The following L3MBTL4 variants were observed in gnomAD, a reference collection of about 807,000 sequenced individuals.
The protein encoded by L3MBTL4 is lethal(3)malignant brain tumor-like protein 4.
Under a neutral mutation model 84.5 loss-of-function variants are expected in L3MBTL4, and 70 were observed. The ratio of observed to expected loss-of-function variants is 0.83; its 90% CI spans 0.68 to 1.01. The LOEUF (loss-of-function observed/expected upper bound fraction) is 1.01. Ranked by LOEUF, L3MBTL4 falls within the 50% of genes least tolerant of loss-of-function variation. L3MBTL4 has a pLI of 0.00. For missense variants in L3MBTL4, 715 were observed against 754.8 expected, an observed-to-expected ratio of 0.95 and a Z score of 0.62; for synonymous variants, 274 against 259.8, an observed-to-expected ratio of 1.05 and a Z score of -0.52.
chr18:5,976,338 C>T (rs373082917), intron 16 of L3MBTL4, among the ~76,000 whole-genome samples: 4 of 152,198 alleles, frequency 2.6e-5, no homozygotes, highest in Admixed American at 6.5e-5. Flanking sequence ...CTTCTGATTA[C>T]GTTAAATACG....
At position 6,066,021 on chromosome 18, in the gene L3MBTL4, T is replaced by C. The variant is rs551616929; in HGVS notation, c.1444+14860A>G. 5.1e-4 allele frequency among the ~76,000 whole-genome samples: 77 copies of C among 152,220 alleles called. 2 individuals are homozygous for C. The South Asian group carries it at 9.9e-3, about 20-fold the overall frequency. ...TATGAACTTTCCTGTTTGGGCTGCT[T>C]TTGCTGTATCCCAGAGGCTTTGATA... is the stretch of plus-strand genomic sequence containing the variant. On this transcript the variant is annotated intron_variant, in intron 16 of 18. Coordinates refer to ENST00000317931, the MANE Select transcript of L3MBTL4 (RefSeq NM_001330559.2).
chr18:6,038,130 ATATT>A (rs1241400412), intron 16 of L3MBTL4, among the ~76,000 whole-genome samples: 19 of 152,192 alleles, frequency 1.2e-4, no homozygotes, highest in African/African-American at 4.6e-4. Flanking sequence ...TACTGATTGA[ATATT>A]TATGTCACAA....
At chr18:5,978,103 G>T (rs565595417) in intron 16 of L3MBTL4, among the ~76,000 whole-genome samples, 1 of 152,346 alleles carries the variant, frequency 6.6e-6, no homozygotes, top group African/African-American at 2.4e-5. Context: ...TGCAGGGATA[G>T]ATAAGGCAGT....
At chr18:6,002,681 G>C (rs964596758) in intron 16 of L3MBTL4, among the ~76,000 whole-genome samples, 1 of 151,848 alleles carries the variant, frequency 6.6e-6, no homozygotes, top group Non-Finnish European at 1.5e-5. Context: ...AAGAAAATAA[G>C]TACAGAGTAT....
At chr18:6,270,413 A>C (rs1401527817) in intron 4 of L3MBTL4, among the ~76,000 whole-genome samples, 1 of 152,152 alleles carries the variant, frequency 6.6e-6, no homozygotes, top group Non-Finnish European at 1.5e-5. Flanking sequence ...CATTTACTCG[A>C]GTTGGGGAGG....
chr18:5,967,108 G>A (rs1336281166), intron 17 of L3MBTL4, among the ~76,000 whole-genome samples: 3 of 152,162 alleles, frequency 2.0e-5, no homozygotes, highest in Non-Finnish European at 4.4e-5. Context: ...TTCCGCATAA[G>A]AACCCAGAAC....
rs185102463 is a variant in L3MBTL4, at chr18:6,026,329, A to T, written c.1444+54552T>A. Among the ~76,000 whole-genome samples the T allele has an allele frequency of 1.1e-3, 174 of 152,326 alleles. No individual in the cohort carries two copies. In the Middle Eastern group the frequency reaches 0.017, roughly 15 times the overall value. ...ATTTTCCTTAGTTAAAATATTTTAC[A>T]ATATCATCACTGTGTTTTACAATGC... On this transcript the variant is annotated intron_variant, in intron 16 of 18. Transcript: ENST00000317931.
intron 1 of L3MBTL4, among the ~76,000 whole-genome samples, chr18:6,360,512 A>C (rs1212697515): frequency 6.6e-6 from 1 of 152,224 alleles, no homozygotes; most frequent in East Asian, 1.9e-4. Context: ...TTAACTCAGA[A>C]AGGAGATTTA....
At chr18:6,067,322 T>C (rs2057435994) in intron 16 of L3MBTL4, among the ~76,000 whole-genome samples, 2 of 152,310 alleles carry the variant, frequency 1.3e-5, no homozygotes, top group South Asian at 2.1e-4. Flanking sequence ...TCCTTGAGTT[T>C]TCTGTATTTG....
intron 16 of L3MBTL4, among the ~76,000 whole-genome samples, chr18:6,074,000 T>C (rs1453195047): frequency 6.6e-6 from 1 of 152,220 alleles, no homozygotes; most frequent in Non-Finnish European, 1.5e-5. Flanking sequence ...TAACATTTTA[T>C]CCTTTGCACT....
At chr18:6,148,742 A>G (rs1266444148) in intron 13 of L3MBTL4, among the ~76,000 whole-genome samples, 1 of 152,166 alleles carries the variant, frequency 6.6e-6, no homozygotes, top group African/African-American at 2.4e-5. Context: ...TAAAGCACAG[A>G]ATTTTAAGAA....
At chr18:6,270,209 G>A (rs2048808086) in intron 4 of L3MBTL4, among the ~76,000 whole-genome samples, 1 of 152,142 alleles carries the variant, frequency 6.6e-6, no homozygotes, top group South Asian at 2.1e-4. Context: ...CCCCGCTTAG[G>A]CCACAGCTGC....
chr18:6,284,869 G>T (rs895376189), intron 4 of L3MBTL4, among the ~76,000 whole-genome samples: 24 of 152,210 alleles, frequency 1.6e-4, no homozygotes, highest in African/African-American at 5.1e-4. Flanking sequence ...CACAGGGGCC[G>T]CCCAGCGTGG....
intron 12 of L3MBTL4, among the ~76,000 whole-genome samples, chr18:6,203,732 G>T (rs534161265): frequency 2.0e-5 from 3 of 152,082 alleles, no homozygotes; most frequent in Non-Finnish European, 4.4e-5. Context: ...AACCAGGTGG[G>T]ATCTCGTTAA....
chr18:6,173,512 G>A (rs995960441), intron 12 of L3MBTL4, among the ~76,000 whole-genome samples: 1 of 152,178 alleles, frequency 6.6e-6, no homozygotes, highest in Non-Finnish European at 1.5e-5. Flanking sequence ...GGGTGCAGTA[G>A]CTCATGCCTG....
intron 16 of L3MBTL4, among the ~76,000 whole-genome samples, chr18:6,072,800 G>A (rs2057709698): frequency 7.0e-6 from 1 of 142,440 alleles, no homozygotes; most frequent in South Asian, 2.3e-4. Flanking sequence ...AGCTTGCAAT[G>A]AGCCCAGATC....
At chr18:6,281,209 A>G (rs1318780633) in intron 4 of L3MBTL4, among the ~76,000 whole-genome samples, 1 of 152,230 alleles carries the variant, frequency 6.6e-6, no homozygotes, top group Non-Finnish European at 1.5e-5. Flanking sequence ...AATTAGTTTA[A>G]CATAATAGTT....
At chr18:5,994,020 G>A (rs915065683) in intron 16 of L3MBTL4, among the ~76,000 whole-genome samples, 5 of 152,210 alleles carry the variant, frequency 3.3e-5, no homozygotes, top group Non-Finnish European at 7.3e-5. Flanking sequence ...AGTGCCTGCA[G>A]CCACTGGCGA....
chr18:6,029,905 G>A (rs1427300244), intron 16 of L3MBTL4: 1 of 985,290 alleles, frequency 1.0e-6, no homozygotes, highest in Non-Finnish European at 1.2e-6. Context: ...AAGCATGAGT[G>A]ATGAGTACAG....
Sources: allele counts gnomAD v4.1 joint callset (sites outside exome capture counted in the v4.1 genomes callset), GRCh38; gene constraint gnomAD v4.1.1; transcripts MANE v1.5; gene names NCBI Gene and HGNC (gene_info 2026-07-23, HGNC 2026-07-21).